The following MICAL3 variants were observed in gnomAD, a reference collection of about 807,000 sequenced individuals.
The protein encoded by MICAL3 is [F-actin]-monooxygenase MICAL3.
A neutral mutation model predicts 207.4 loss-of-function variants in MICAL3; 62 were observed. That is an observed-to-expected ratio of 0.30 (90% CI 0.24 to 0.37). The LOEUF (loss-of-function observed/expected upper bound fraction) is 0.37, where lower values mean the gene tolerates loss of function less well. Among genes scored for constraint, MICAL3 ranks in the 10% least tolerant of loss-of-function variants. MICAL3 has a pLI of 1.00. For missense variants in MICAL3, 2,368 were observed against 2,635.6 expected (o/e 0.90, Z 2.22); for synonymous variants, 1,077 against 1,069.3 (o/e 1.01, Z -0.14).
rs769414306 is a variant in MICAL3, at chr22:17,904,829, A to G, written c.275T>C (p.Ile92Thr). ...ACGGAGACCACAGGGGCCAGCCCCA[A>G]TGATGAGACACTGAAAAACACAGCT... ...KACTNTKCLI[I>T]GAGPCGLRTA... The change falls in exon 3 of 32, where the codon ATT becomes ACT. Residue 92 changes from isoleucine to threonine, a missense_variant. By Grantham distance (89) the Ile-to-Thr change is moderately conservative. This residue lies in a region of MICAL3 where 400 missense variants were observed against 547.0 expected (regional missense o/e 0.73). Transcript: ENST00000441493. The G allele has an allele frequency of 3.6e-5, 58 of 1,613,226 alleles. No homozygotes were observed. Among genetic ancestry groups the G allele is most frequent in the East Asian group, 4.5e-5 (2 of 44,870 alleles).
At chr22:17,852,953 T>C (rs1293043612) in intron 19 of MICAL3, among the ~76,000 whole-genome samples, 2 of 151,722 alleles carry the variant, frequency 1.3e-5, no homozygotes, top group Non-Finnish European at 2.9e-5. Context: ...TATGTGACTG[T>C]AATCCCAGCT....
chr22:17,790,968 T>C (rs1249111266), intron 31 of MICAL3, 30 bp downstream of exon 31: 1 of 1,612,270 alleles, frequency 6.2e-7, no homozygotes, highest in African/African-American at 1.3e-5. Flanking sequence ...GCACCCACCC[T>C]GGCCTCCATG....
chr22:17,821,045 T>A (rs1027802184), intron 25 of MICAL3, among the ~76,000 whole-genome samples: 11 of 149,902 alleles, frequency 7.3e-5, no homozygotes, highest in African/African-American at 2.4e-4. Flanking sequence ...TATACATTTA[T>A]TAAATATAAT....
chr22:17,861,062 A>G, intron 19 of MICAL3: 3 of 985,392 alleles, frequency 3.0e-6, no homozygotes, highest in Non-Finnish European at 3.6e-6. Context: ...GTAAGGTGGG[A>G]GGTAAGCTGG....
At chr22:17,810,837 C>T (rs2062040258) in intron 27 of MICAL3, 24 bp from the exon 28 acceptor site, 2 of 1,598,908 alleles carry the variant, frequency 1.3e-6, no homozygotes, top group Non-Finnish European at 1.7e-6. Context: ...GAGAAACTTC[C>T]TCAGTCAGGT....
intron 1 of MICAL3, among the ~76,000 whole-genome samples, chr22:17,962,568 C>T (rs1346927806): frequency 6.6e-6 from 1 of 152,024 alleles, no homozygotes; most frequent in East Asian, 1.9e-4. Context: ...CAGGGGTGCT[C>T]GAGCACAAGA....
chr22:17,842,849 C>T (rs1044101095), intron 19 of MICAL3, among the ~76,000 whole-genome samples: 1 of 152,176 alleles, frequency 6.6e-6, no homozygotes, highest in South Asian at 2.1e-4. Flanking sequence ...TGGCTGGGTG[C>T]GGTGGCTCAC....
intron 1 of MICAL3, among the ~76,000 whole-genome samples, chr22:17,925,203 C>G (rs1932889304): frequency 6.6e-6 from 1 of 152,156 alleles, no homozygotes; most frequent in Non-Finnish European, 1.5e-5. Flanking sequence ...CAAGCTGTAC[C>G]AAGTTCCTGA....
In MICAL3 at chr22:17,841,183, TTGATCA is replaced by T. The variant is rs1370689114; in HGVS notation, c.2801+633_2801+638del. 2 of 152,856 alleles carry T rather than the reference TTGATCA, an allele frequency of 1.3e-5. No homozygotes were observed. The highest frequency in any genetic ancestry group is 3.9e-4 in the East Asian group (2 of 5,194). The allele number at this position is 152,856 out of a possible 1,614,324, so 9.5% of individuals were successfully genotyped here. A position where few individuals can be genotyped will look rare whatever the true frequency, so the allele number is the denominator to read the frequency against. ...GACCCCCTTTTGATTCTTGGCTCTC[TTGATCA>T]TCTGTAATCGGCTGAACACTTTGAA... On this transcript the variant is annotated intron_variant, in intron 20 of 31. Transcript: ENST00000441493. This position sits in a 1 kb window ranked among gnomAD's most constrained non-coding sequence, Gnocchi z 4.2.
chr22:17,987,796 T>C (rs75167513), intron 1 of MICAL3, among the ~76,000 whole-genome samples: 2,106 of 140,486 alleles, frequency 0.015, 39 homozygotes, highest in African/African-American at 0.047. Flanking sequence ...AATTTTCAAA[T>C]TGGTCTGAAA....
Position 17,791,081 on chromosome 22 carries a change from C to T in MICAL3, c.5751-10G>A. 6.2e-7 allele frequency: 1 copy of T among 1,610,562 alleles called. No individual in the cohort carries two copies. On this transcript the variant is annotated splice_polypyrimidine_tract_variant and intron_variant, in intron 30 of 31. Transcript: ENST00000441493. ...CTCCAGCTCCCGGGCACTGAGGAGG[C>T]AGGGCAGGAGGGAGACAAGCCACAG...
At chr22:17,928,154 C>T (rs553656065) in intron 1 of MICAL3, among the ~76,000 whole-genome samples, 30 of 152,094 alleles carry the variant, frequency 2.0e-4, no homozygotes, top group Middle Eastern at 3.4e-3. Context: ...AACACCTGTC[C>T]GTGGGCCGGG....
At chr22:18,002,565 G>GTTCAAC (rs1923109835) in intron 1 of MICAL3, among the ~76,000 whole-genome samples, 5 of 152,068 alleles carry the variant, frequency 3.3e-5, no homozygotes, top group Non-Finnish European at 7.4e-5. Flanking sequence ...CCCAGGAGGC[G>GTTCAAC]GAGGTTGAAC....
rs545904686 is a variant in MICAL3 at position 17,812,595 on chromosome 22, GTAA to G, written c.5446-1785_5446-1783del. 5.6e-4 allele frequency: 510 copies of G among 903,032 alleles called. 1 individual carries two copies. The African/African-American group carries it at 8.6e-3, about 15-fold the overall frequency. The allele number at this position is 903,032 out of a possible 1,614,324, so 55.9% of individuals were successfully genotyped here. A position where few individuals can be genotyped will look rare whatever the true frequency, so the allele number is the denominator to read the frequency against. Reference sequence around the variant, plus strand: ...TGGCATCAGAAAACAAAACAGAATAGTAATAATAATAATGATTAACAAATTAAA... The same window carrying G: ...TGGCATCAGAAAACAAAACAGAATAGTAATAATAATGATTAACAAATTAAA... On this transcript the variant is annotated intron_variant, in intron 27 of 31. Coordinates refer to ENST00000441493, the MANE Select transcript of MICAL3 (RefSeq NM_015241.3).
chr22:17,920,184 G>A (rs1011553337), intron 1 of MICAL3, among the ~76,000 whole-genome samples: 1 of 152,262 alleles, frequency 6.6e-6, no homozygotes, highest in Admixed American at 6.5e-5. Context: ...GCCAGCCTTG[G>A]GAGTGGAATG....
At chr22:17,844,000 C>T (rs934204041) in intron 19 of MICAL3, among the ~76,000 whole-genome samples, 2 of 152,228 alleles carry the variant, frequency 1.3e-5, no homozygotes, top group African/African-American at 4.8e-5. Flanking sequence ...GCGCCTGCCA[C>T]AGCACCCGGC....
Position 17,841,825 on chromosome 22 carries a change from C to A in MICAL3, c.2798G>T (p.Ser933Ile). 6.5e-7 allele frequency: 1 copy of A among 1,545,320 alleles called. No individual in the cohort carries two copies. Residue 933 changes from serine (S) to isoleucine (I), a missense_variant, in exon 20 of 32, where the codon AGC (serine) becomes ATC (isoleucine). Physicochemically the swap from Ser to Ile is moderately radical, Grantham distance 142 (BLOSUM62 -2). Transcript: ENST00000441493. This position sits in a 1 kb window ranked among gnomAD's most constrained non-coding sequence, Gnocchi z 4.2. ...LDTGAEEDVA[S>I]SSSESEMEEE... ...CCCTGCAGCCCTGCGTGCTGACCTG[C>A]TGGCGACGTCCTCCTCGGCGCCCGT...
intron 1 of MICAL3, among the ~76,000 whole-genome samples, chr22:18,016,521 C>T (rs1924063370): frequency 6.6e-6 from 1 of 152,180 alleles, no homozygotes; most frequent in African/African-American, 2.4e-5. Flanking sequence ...ATTCTCCCTC[C>T]AAACAGCCCT....
At chr22:17,873,116 C>T (rs967753327) in intron 16 of MICAL3, among the ~76,000 whole-genome samples, 1 of 152,216 alleles carries the variant, frequency 6.6e-6, no homozygotes, top group Non-Finnish European at 1.5e-5. Context: ...AGAACTGGGT[C>T]TCTCCCATCT....
Sources: allele counts gnomAD v4.1 joint callset (sites outside exome capture counted in the v4.1 genomes callset), GRCh38; gene constraint gnomAD v4.1.1; regional missense constraint gnomAD v4.1.1; non-coding constraint Gnocchi (gnomAD v3.1); transcripts MANE v1.5; gene names NCBI Gene and HGNC (gene_info 2026-07-23, HGNC 2026-07-21).